Variants in MTMR3 observed in about 807,000 individuals in gnomAD.
MTMR3 encodes phosphatidylinositol-3,5-bisphosphate 3-phosphatase MTMR3.
MTMR3 carries 32 observed loss-of-function variants against 132.4 expected under a neutral mutation model. That is an observed-to-expected ratio of 0.24 (90% CI 0.18 to 0.32). The LOEUF is 0.32. Among genes scored for constraint, MTMR3 ranks in the 10% least tolerant of loss-of-function variants. MTMR3 has a pLI of 1.00. For missense variants in MTMR3, 1,216 were observed against 1,489.6 expected, an observed-to-expected ratio of 0.82 and a Z score of 3.02; for synonymous variants, 556 against 550.3, an observed-to-expected ratio of 1.01 and a Z score of -0.14.
intron 7 of MTMR3, chr22:29,997,183 C>T (rs528500267): frequency 1.2e-4 from 18 of 152,224 alleles, no homozygotes; most frequent in Admixed American, 3.3e-4. Context: ...CTTCTTGCAC[C>T]TCATATTCTC....
intron 1 of MTMR3, among the ~76,000 whole-genome samples, chr22:29,918,078 A>G (rs2145762441): frequency 6.6e-6 from 1 of 152,330 alleles, no homozygotes; most frequent in Non-Finnish European, 1.5e-5. Flanking sequence ...TTTAGAAAAA[A>G]TTAGTAACTG....
At chr22:29,957,013 A>G (rs1569023636) in intron 1 of MTMR3, 23 bp from the exon 2 acceptor site, 1 of 152,292 alleles carries the variant, frequency 6.6e-6, no homozygotes, top group Non-Finnish European at 1.5e-5. Flanking sequence ...GTCATTATAA[A>G]ATAACTGTTT....
At chr22:29,983,508 T>C (rs1569035948) in intron 5 of MTMR3, 1 of 152,196 alleles carries the variant, frequency 6.6e-6, no homozygotes, top group Non-Finnish European at 1.5e-5. Context: ...TAACATTTAA[T>C]GCACTTTGAT....
chr22:30,023,601 G>A (rs1281118834), intron 19 of MTMR3: 13 of 1,270,278 alleles, frequency 1.0e-5, no homozygotes, highest in Non-Finnish European at 1.4e-5. Flanking sequence ...GGCCTTGGGT[G>A]CACAGGCAGA....
intron 2 of MTMR3, among the ~76,000 whole-genome samples, chr22:29,962,708 A>C (rs2066335272): frequency 6.6e-6 from 1 of 152,048 alleles, no homozygotes; most frequent in Non-Finnish European, 1.5e-5. Context: ...CATAGCTGTC[A>C]ACCTCTCTTA....
In MTMR3 at chr22:29,992,308, C is replaced by G. The variant is rs377714972; in HGVS notation, c.460+638C>G. The G allele has an allele frequency of 2.0e-5, 3 of 152,314 alleles. No individual in the cohort carries two copies. The East Asian group carries it at 5.8e-4, about 29-fold the overall frequency. The allele number at this position is 152,314 out of a possible 1,614,324, so 9.4% of individuals were successfully genotyped here. A position where few individuals can be genotyped will look rare whatever the true frequency, so the allele number is the denominator to read the frequency against. The stretch of plus-strand genomic sequence containing the variant: ...TTGGTCAGGCTGGTCTCAGGTGATA[C>G]GCCCGCCTTGGCCACCCGGAGTGCT... On this transcript the variant is annotated intron_variant, in intron 7 of 19. Coordinates refer to ENST00000401950, the MANE Select transcript of MTMR3 (RefSeq NM_021090.4).
At chr22:29,907,030 T>C (rs2065117241) in intron 1 of MTMR3, among the ~76,000 whole-genome samples, 1 of 151,804 alleles carries the variant, frequency 6.6e-6, no homozygotes, top group South Asian at 2.1e-4. Flanking sequence ...TGAGCTGAGA[T>C]TGCGCCACTG....
At chr22:29,890,373 C>T (rs1185681984) in intron 1 of MTMR3, among the ~76,000 whole-genome samples, 2 of 150,676 alleles carry the variant, frequency 1.3e-5, no homozygotes, top group East Asian at 2.0e-4. Flanking sequence ...AAAAATCAGT[C>T]GGGTGTGGTG....
intron 1 of MTMR3, among the ~76,000 whole-genome samples, chr22:29,931,040 A>G (rs2065633887): frequency 6.6e-6 from 1 of 151,938 alleles, no homozygotes; most frequent in East Asian, 1.9e-4. Flanking sequence ...AAACTTAAAA[A>G]TGACCTAACT....
intron 1 of MTMR3, among the ~76,000 whole-genome samples, chr22:29,906,238 A>G (rs533520745): frequency 3.3e-5 from 5 of 149,314 alleles, no homozygotes; most frequent in African/African-American, 7.5e-5. Context: ...ACATTTATCC[A>G]TCCATCCGTC....
At chr22:30,025,604 ATTG>A in intron 19 of MTMR3, 23 bp from the exon 20 acceptor site, 1 of 1,613,602 alleles carries the variant, frequency 6.2e-7, no homozygotes, top group African/African-American at 1.3e-5. Context: ...CAAAACTAAC[ATTG>A]TTCTGTTTCT....
At chr22:29,982,721 A>G (rs2066773482) in intron 5 of MTMR3, 1 of 152,204 alleles carries the variant, frequency 6.6e-6, no homozygotes, top group Non-Finnish European at 1.5e-5. Context: ...TACCGTAAAC[A>G]TCATTACTTT....
intron 19 of MTMR3, chr22:30,023,589 G>A (rs112084473): frequency 4.5e-5 from 63 of 1,403,094 alleles, no homozygotes; most frequent in African/African-American, 3.9e-4. Flanking sequence ...GGTGAAGCCT[G>A]GGGCCTTGGG....
rs1001981135 is a variant in MTMR3 at position 30,022,386 on chromosome 22, A to T, written c.3337-223A>T. On this transcript the variant is annotated intron_variant, in intron 18 of 19. Transcript: ENST00000401950. ...TGGAGCCTTGCCAGCTCTCACAGTG[A>T]CCCAGGGTGCTGCTGCCTGCTACTT... 4 of 610,376 alleles carry T rather than the reference A, an allele frequency of 6.6e-6. No homozygotes were observed. In the African/African-American group the frequency reaches 7.4e-5, roughly 11 times the overall value. 37.8% of individuals were successfully genotyped at this position (610,376 alleles called of 1,614,324 possible). A position where few individuals can be genotyped will look rare whatever the true frequency, so the allele number is the denominator to read the frequency against.
chr22:29,906,869 G>C (rs1480845745), intron 1 of MTMR3, among the ~76,000 whole-genome samples: 1 of 151,934 alleles, frequency 6.6e-6, no homozygotes, highest in Non-Finnish European at 1.5e-5. Context: ...CTTGAGGCCA[G>C]GAGTTCGAGA....
In MTMR3 at chr22:30,019,559, G is replaced by A. The variant is rs915276448; in HGVS notation, c.1900G>A (p.Asp634Asn). The change falls in exon 17 of 20, where the codon GAC becomes AAC. Residue 634 changes from aspartate to asparagine, a missense_variant. By Grantham distance (23) the Asp-to-Asn change is conservative. Transcript: ENST00000401950. Reference protein sequence around the residue: ...TVPLASRRCSDPSLNEKWQEH... With the variant: ...TVPLASRRCSNPSLNEKWQEH... ...GCCTCTGGCCAGCCGGCGCTGCAGC[G>A]ACCCCAGCCTGAACGAGAAGTGGCA... The A allele has an allele frequency of 8.7e-6, 14 of 1,613,414 alleles. No individual in the cohort carries two copies. Among genetic ancestry groups the A allele is most frequent in the African/African-American group, 1.3e-5 (1 of 74,926 alleles).
chr22:30,019,610 A>G lies in MTMR3; in HGVS notation c.1951A>G (p.Ser651Gly), dbSNP rs770446798. The change falls in exon 17 of 20, where the codon AGC becomes GGC. Residue 651 changes from serine (S) to glycine (G), a missense_variant. Coordinates refer to ENST00000401950, the MANE Select transcript of MTMR3 (RefSeq NM_021090.4). ...GGAGCACCGGCGCTCACTAGAGCTG[A>G]GCAGCCTGGCTGGCCCTGGAGAGGA... ...WQEHRRSLEL[S>G]SLAGPGEDPL... 5.6e-6 allele frequency: 9 copies of G among 1,614,046 alleles called. No individual in the cohort carries two copies. The highest frequency in any genetic ancestry group is 7.6e-6 in the Non-Finnish European group (9 of 1,180,056).
At chr22:30,019,217 A>AG (rs2067684056) in intron 16 of MTMR3, 2 of 362,044 alleles carry the variant, frequency 5.5e-6, no homozygotes, top group African/African-American at 2.1e-5. Flanking sequence ...AAAAAAAAAA[A>AG]AGAAAATAGC....
At chr22:29,946,270 G>A (rs2065952562) in intron 1 of MTMR3, among the ~76,000 whole-genome samples, 1 of 152,180 alleles carries the variant, frequency 6.6e-6, no homozygotes, top group South Asian at 2.1e-4. Flanking sequence ...CTGTGGTGGG[G>A]AGAAGAGAGA....
Sources: allele counts gnomAD v4.1 joint callset (sites outside exome capture counted in the v4.1 genomes callset), GRCh38; gene constraint gnomAD v4.1.1; transcripts MANE v1.5; gene names NCBI Gene and HGNC (gene_info 2026-07-23, HGNC 2026-07-21).